The following RIMS2 variants were observed in gnomAD, a reference collection of about 807,000 sequenced individuals.
RIMS2 encodes regulating synaptic membrane exocytosis protein 2.
In RIMS2, 59 loss-of-function variants were observed where a neutral mutation model predicts 174.4. That is an observed-to-expected ratio of 0.34 (90% CI 0.27 to 0.42). RIMS2 has a LOEUF of 0.42. RIMS2 is among the 10% of genes least tolerant of loss of function. RIMS2 has a pLI of 1.00. For missense variants in RIMS2, 1,620 were observed against 1,666.3 expected (o/e 0.97, Z 0.48); for synonymous variants, 606 against 572.5 (o/e 1.06, Z -0.84).
chr8:103,845,379 A>G (rs965461688), intron 3 of RIMS2, among the ~76,000 whole-genome samples: 1 of 152,000 alleles, frequency 6.6e-6, no homozygotes, highest in Non-Finnish European at 1.5e-5. Context: ...TACTATCCCT[A>G]CCTGTTATTA....
At chr8:103,958,999 C>T (rs2088758951) in intron 14 of RIMS2, among the ~76,000 whole-genome samples, 1 of 152,182 alleles carries the variant, frequency 6.6e-6, no homozygotes. Context: ...AGAACCCATG[C>T]AGACAAACTG....
At chr8:103,882,676 T>A (rs1475670306) in intron 3 of RIMS2, among the ~76,000 whole-genome samples, 1 of 151,608 alleles carries the variant, frequency 6.6e-6, no homozygotes, top group Admixed American at 6.6e-5. Flanking sequence ...TAGAACAATG[T>A]GATTGCTGGA....
Position 103,570,599 on chromosome 8 carries a change from T to C in RIMS2, c.176+69537T>C, listed in dbSNP as rs557992052. The stretch of plus-strand genomic sequence containing the variant: ...CTGAGAGTACCTTAGGAGCATGGAA[T>C]TGTGTTTTATTTCTTGGTAGCATAG... On this transcript the variant is annotated intron_variant, in intron 1 of 23. Coordinates refer to ENST00000504942, the Ensembl canonical transcript of RIMS2. 9.9e-5 allele frequency among the ~76,000 whole-genome samples: 15 copies of C among 152,272 alleles called. No individual in the cohort carries two copies. The South Asian group carries it at 3.1e-3, about 32-fold the overall frequency.
chr8:103,997,479 G>T (rs1193122514), intron 17 of RIMS2, among the ~76,000 whole-genome samples: 1 of 151,730 alleles, frequency 6.6e-6, no homozygotes, highest in African/African-American at 2.4e-5. Flanking sequence ...TAGTATTAAA[G>T]GTTCTAAGAA....
At chr8:103,630,561 C>T (rs569841568) in intron 1 of RIMS2, among the ~76,000 whole-genome samples, 73 of 88,294 alleles carry the variant, frequency 8.3e-4, no homozygotes, top group Non-Finnish European at 1.3e-3. Context: ...GCCTGGGCAA[C>T]AAGAGCAAAA....
chr8:104,040,099 A>G (rs911601731), intron 19 of RIMS2, among the ~76,000 whole-genome samples: 1 of 151,636 alleles, frequency 6.6e-6, no homozygotes, highest in African/African-American at 2.4e-5. Flanking sequence ...GAATGTTTTC[A>G]TTTTATCACT....
chr8:103,880,710 T>C, intron 3 of RIMS2: 1 of 507,332 alleles, frequency 2.0e-6, no homozygotes, highest in Non-Finnish European at 3.6e-6. Context: ...GAAAATATAT[T>C]AAATCTTAAT....
intron 19 of RIMS2, among the ~76,000 whole-genome samples, chr8:104,069,641 G>GT (rs1361176188): frequency 6.6e-6 from 1 of 151,450 alleles, no homozygotes; most frequent in East Asian, 1.9e-4. Context: ...GCTAATTTTT[G>GT]TATTTTTAGG....
chr8:103,700,769 G>A (rs1480534027), intron 2 of RIMS2, among the ~76,000 whole-genome samples: 1 of 151,504 alleles, frequency 6.6e-6, no homozygotes, highest in Non-Finnish European at 1.5e-5. Flanking sequence ...CTCCTTTGTT[G>A]GCTCAATAGC....
chr8:103,525,820 A>G (rs1374960620), intron 1 of RIMS2, among the ~76,000 whole-genome samples: 1 of 152,180 alleles, frequency 6.6e-6, no homozygotes, highest in Non-Finnish European at 1.5e-5. Flanking sequence ...GATGAGAAAA[A>G]TTGAGAGGTG....
chr8:104,094,634 C>G (rs757160655), intron 19 of RIMS2: 5 of 700,128 alleles, frequency 7.1e-6, no homozygotes, highest in Non-Finnish European at 1.0e-5. Context: ...AATCAGGAGA[C>G]GAGGAAAAAA....
At chr8:103,937,084 C>A (rs979047778) in intron 13 of RIMS2, among the ~76,000 whole-genome samples, 1 of 148,608 alleles carries the variant, frequency 6.7e-6, no homozygotes, top group African/African-American at 2.5e-5. Flanking sequence ...GGTGACAGAG[C>A]GAGACTCTGT....
At chr8:103,570,539 T>G (rs1382227937) in intron 1 of RIMS2, among the ~76,000 whole-genome samples, 1 of 152,104 alleles carries the variant, frequency 6.6e-6, no homozygotes, top group African/African-American at 2.4e-5. Context: ...GTAAATGTGT[T>G]TAGGGGTGGA....
At chr8:103,832,563 G>GT (rs2098832419) in intron 3 of RIMS2, among the ~76,000 whole-genome samples, 1 of 152,156 alleles carries the variant, frequency 6.6e-6, no homozygotes, top group Middle Eastern at 3.4e-3. Context: ...AAAGGCCCCA[G>GT]TTTGTGTTGT....
At chr8:103,538,954 G>T (rs1841220937) in intron 1 of RIMS2, among the ~76,000 whole-genome samples, 1 of 152,218 alleles carries the variant, frequency 6.6e-6, no homozygotes. Context: ...TGCAAATGTG[G>T]TTAATTCATT....
chr8:103,540,680 A>G (rs576782090), intron 1 of RIMS2, among the ~76,000 whole-genome samples: 27 of 152,364 alleles, frequency 1.8e-4, no homozygotes, highest in African/African-American at 6.0e-4. Context: ...ATGGAGCTAT[A>G]TAAGCCTGCC....
intron 3 of RIMS2, among the ~76,000 whole-genome samples, chr8:103,837,452 C>A (rs376082647): frequency 0.12 from 18,893 of 152,140 alleles, 1,273 homozygotes; most frequent in Middle Eastern, 0.22. Flanking sequence ...ATACATGTGC[C>A]ATGTTGGTGT....
intron 1 of RIMS2, among the ~76,000 whole-genome samples, chr8:103,609,775 T>A (rs575185690): frequency 6.6e-6 from 1 of 152,302 alleles, no homozygotes; most frequent in African/African-American, 2.4e-5. Context: ...TTGCTTTCAG[T>A]TTTGTTCTTT....
intron 19 of RIMS2, among the ~76,000 whole-genome samples, chr8:104,119,334 C>A (rs1240908536): frequency 6.6e-6 from 1 of 151,874 alleles, no homozygotes; most frequent in Non-Finnish European, 1.5e-5. Context: ...GCACTCCAGT[C>A]TGGCAAGTGA....
Sources: allele counts gnomAD v4.1 joint callset (sites outside exome capture counted in the v4.1 genomes callset), GRCh38; gene constraint gnomAD v4.1.1; transcripts MANE v1.5; gene names NCBI Gene and HGNC (gene_info 2026-07-23, HGNC 2026-07-21).